JAZF1: variants seen among roughly 807,000 people sequenced by gnomAD.
JAZF1 encodes JAZF zinc finger 1.
Under a neutral mutation model 26.4 loss-of-function variants are expected in JAZF1, and 8 were observed. The ratio of observed to expected loss-of-function variants is 0.30; its 90% CI spans 0.18 to 0.55. JAZF1 has a LOEUF of 0.55. Among genes scored for constraint, JAZF1 ranks in the 20% least tolerant of loss-of-function variants. The pLI is 0.94. For missense variants in JAZF1, 199 were observed against 322.0 expected (o/e 0.62, Z 2.92); for synonymous variants, 126 against 122.3 (o/e 1.03, Z -0.20).
chr7:27,915,697 T>C (rs1240400271), intron 2 of JAZF1, among the ~76,000 whole-genome samples: 1 of 152,218 alleles, frequency 6.6e-6, no homozygotes, highest in Non-Finnish European at 1.5e-5. Flanking sequence ...CCAAAACAAA[T>C]CATAACTCAT....
chr7:27,976,580 G>A (rs1785477153), intron 2 of JAZF1, among the ~76,000 whole-genome samples: 1 of 152,032 alleles, frequency 6.6e-6, no homozygotes, highest in African/African-American at 2.4e-5. Flanking sequence ...ACTTCAGTCT[G>A]GAGCTGGGGC....
At chr7:27,856,492 TTC>T (rs1200489979) in intron 3 of JAZF1, among the ~76,000 whole-genome samples, 2 of 152,220 alleles carry the variant, frequency 1.3e-5, no homozygotes, top group African/African-American at 4.8e-5. Context: ...CCTGCTTTTA[TTC>T]TCTTATCTGG....
intron 1 of JAZF1, among the ~76,000 whole-genome samples, chr7:28,060,287 G>A (rs1783778314): frequency 6.6e-6 from 1 of 152,012 alleles, no homozygotes. Flanking sequence ...TATGTATTAT[G>A]TCTGATAAAT....
At chr7:28,043,845 C>T (rs1224548859) in intron 1 of JAZF1, among the ~76,000 whole-genome samples, 1 of 151,916 alleles carries the variant, frequency 6.6e-6, no homozygotes, top group African/African-American at 2.4e-5. Context: ...ATGGATGAAC[C>T]TTGAAAACAT....
chr7:27,851,566 G>T (rs966849826), intron 3 of JAZF1, among the ~76,000 whole-genome samples: 1 of 152,124 alleles, frequency 6.6e-6, no homozygotes, highest in Non-Finnish European at 1.5e-5. Flanking sequence ...GGCAGGAAAT[G>T]AGCAAAACCA....
chr7:28,098,468 C>T (rs1411225827), intron 1 of JAZF1, among the ~76,000 whole-genome samples: 5 of 151,942 alleles, frequency 3.3e-5, no homozygotes, highest in Admixed American at 2.6e-4. Flanking sequence ...TAGCCAAGTG[C>T]CTGGCACATA....
At chr7:28,024,909 T>G (rs975542520) in intron 1 of JAZF1, among the ~76,000 whole-genome samples, 11 of 152,136 alleles carry the variant, frequency 7.2e-5, no homozygotes, top group Non-Finnish European at 1.6e-4. Flanking sequence ...ACCAACTACT[T>G]TCTAAAGCAC....
intron 1 of JAZF1, among the ~76,000 whole-genome samples, chr7:28,041,873 T>C (rs1783398021): frequency 6.6e-6 from 1 of 152,252 alleles, no homozygotes; most frequent in African/African-American, 2.4e-5. Context: ...TCCACAACTG[T>C]TTGACTTTCA....
At chr7:28,178,498 GAAAT>G (rs1783581023) in intron 1 of JAZF1, among the ~76,000 whole-genome samples, 1 of 152,054 alleles carries the variant, frequency 6.6e-6, no homozygotes, top group South Asian at 2.1e-4. Context: ...TAAGTCAAGA[GAAAT>G]TATTTATTTA....
At chr7:28,065,625 A>G (rs971098440) in intron 1 of JAZF1, among the ~76,000 whole-genome samples, 7 of 152,206 alleles carry the variant, frequency 4.6e-5, no homozygotes, top group Admixed American at 2.0e-4. Context: ...AAAATGTTTT[A>G]CATCCTGCCT....
chr7:28,178,405 T>A (rs753903873), intron 1 of JAZF1, among the ~76,000 whole-genome samples: 1 of 152,204 alleles, frequency 6.6e-6, no homozygotes, highest in Non-Finnish European at 1.5e-5. Context: ...GGGGTAAAAT[T>A]ATTACTCAGC....
chr7:27,894,573 A>C (rs1252768096), intron 3 of JAZF1, among the ~76,000 whole-genome samples: 1 of 152,182 alleles, frequency 6.6e-6, no homozygotes, highest in African/African-American at 2.4e-5. Flanking sequence ...GCACATCCAC[A>C]TGTGTGTCAG....
chr7:27,843,338 TG>T (rs1386686493), intron 3 of JAZF1: 1 of 152,270 alleles, frequency 6.6e-6, no homozygotes, highest in Non-Finnish European at 1.5e-5. Context: ...ACAAGCCACT[TG>T]GCTTTTATTT....
intron 2 of JAZF1, among the ~76,000 whole-genome samples, chr7:27,938,573 G>T (rs577809690): frequency 6.6e-6 from 1 of 152,206 alleles, no homozygotes; most frequent in African/African-American, 2.4e-5. Flanking sequence ...GAATAATACA[G>T]TTGTGAGGAT....
intron 1 of JAZF1, among the ~76,000 whole-genome samples, chr7:28,102,792 A>G (rs550419537): frequency 1.3e-5 from 2 of 152,232 alleles, no homozygotes; most frequent in Non-Finnish European, 2.9e-5. Flanking sequence ...CAAAATTTTC[A>G]TACATACTGA....
At chr7:27,833,135 G>T in intron 4 of JAZF1, 159 bp from the exon 5 acceptor site, 1 of 507,892 alleles carries the variant, frequency 2.0e-6, no homozygotes, top group Non-Finnish European at 3.4e-6. Flanking sequence ...GGACATTCTG[G>T]TGTGTCGGTC....
intron 1 of JAZF1, among the ~76,000 whole-genome samples, chr7:28,174,318 C>T (rs1783516744): frequency 6.6e-6 from 1 of 152,160 alleles, no homozygotes; most frequent in Non-Finnish European, 1.5e-5. Flanking sequence ...AACATTGTCT[C>T]CTGTCTCTCA....
intron 1 of JAZF1, among the ~76,000 whole-genome samples, chr7:28,085,613 G>C (rs1407161500): frequency 6.6e-6 from 1 of 152,154 alleles, no homozygotes. Flanking sequence ...CAAAAATGGG[G>C]TTTACAATGG....
chr7:27,988,920 T>TAAAAAAA (rs57661404), intron 2 of JAZF1, among the ~76,000 whole-genome samples: 3 of 83,736 alleles, frequency 3.6e-5, no homozygotes, highest in Non-Finnish European at 6.7e-5. Flanking sequence ...AGAATCTCTG[T>TAAAAAAA]AAAAAAAAAA....
Sources: allele counts gnomAD v4.1 joint callset (sites outside exome capture counted in the v4.1 genomes callset), GRCh38; gene constraint gnomAD v4.1.1; transcripts MANE v1.5; gene names NCBI Gene and HGNC (gene_info 2026-07-23, HGNC 2026-07-21).